Variants in EHMT1 observed in about 807,000 individuals in gnomAD.
The protein encoded by EHMT1 is histone-lysine N-methyltransferase EHMT1.
A neutral mutation model predicts 147.2 loss-of-function variants in EHMT1; 15 were observed. The ratio of observed to expected loss-of-function variants is 0.10; its 90% CI spans 0.07 to 0.16. The LOEUF (loss-of-function observed/expected upper bound fraction) is 0.16, where lower values mean the gene tolerates loss of function less well. Among genes scored for constraint, EHMT1 ranks in the 10% least tolerant of loss-of-function variants. EHMT1 has a pLI of 1.00. For missense variants in EHMT1, 1,587 were observed against 1,772.4 expected, an observed-to-expected ratio of 0.90 and a Z score of 1.88; for synonymous variants, 795 against 709.6, an observed-to-expected ratio of 1.12 and a Z score of -1.91.
chr9:137,798,724 A>G, intron 16 of EHMT1, 89 bp from the exon 17 acceptor site: 1 of 1,044,176 alleles, frequency 9.6e-7, no homozygotes, highest in Non-Finnish European at 1.5e-6. Flanking sequence ...CGCATGGTAG[A>G]CACCGGGTTC....
At chr9:137,654,329 A>G (rs1227163575) in intron 1 of EHMT1, among the ~76,000 whole-genome samples, 3 of 150,490 alleles carry the variant, frequency 2.0e-5, no homozygotes, top group Non-Finnish European at 3.0e-5. Flanking sequence ...ACACCACTGC[A>G]CTCCAGCCTG....
chr9:137,739,355 C>CAAA (rs58376791), intron 4 of EHMT1, among the ~76,000 whole-genome samples: 1 of 94,488 alleles, frequency 1.1e-5, no homozygotes, highest in African/African-American at 3.2e-5. Flanking sequence ...GACTCAGTCT[C>CAAA]AAAAAAAAAA....
chr9:137,751,451 C>T (rs776739595), intron 6 of EHMT1, among the ~76,000 whole-genome samples: 3 of 152,138 alleles, frequency 2.0e-5, no homozygotes, highest in Non-Finnish European at 2.9e-5. Flanking sequence ...CCATCGAGCC[C>T]GCAGAGTACA....
chr9:137,723,399 C>T (rs1224359926), intron 3 of EHMT1, among the ~76,000 whole-genome samples: 18 of 140,442 alleles, frequency 1.3e-4, no homozygotes, highest in African/African-American at 3.9e-4. Flanking sequence ...GGCCTGAGCC[C>T]GGGGTGTGCC....
intron 18 of EHMT1, among the ~76,000 whole-genome samples, chr9:137,808,676 T>TGGGGGGGGGGGGGG (rs147011444): frequency 3.4e-5 from 2 of 58,398 alleles, no homozygotes; most frequent in African/African-American, 7.2e-5. Flanking sequence ...GGGCGGGGGG[T>TGGGGGGGGGGGGGG]GGGGGGGGCG....
Position 137,776,703 on chromosome 9 carries a change from A to G in EHMT1, c.1877A>G (p.Tyr626Cys), listed in dbSNP as rs762449462. Residue 626 changes from tyrosine to cysteine, a missense_variant, in exon 12 of 27, where the codon TAT becomes TGT. Physicochemically the swap from Tyr to Cys is radical, Grantham distance 194. Around this residue, in one of 7 missense-constraint regions of EHMT1, gnomAD observed 124 missense variants for 197.8 expected, o/e 0.63. Coordinates refer to ENST00000460843, the MANE Select transcript of EHMT1 (RefSeq NM_024757.5). The surrounding 1 kb of genome is among the most constrained non-coding windows in gnomAD (Gnocchi z 4.4). ...DCASRVNNAS[Y>C]CPHCGEESSK... The stretch of plus-strand genomic sequence containing the variant: ...GCCTCTCGAGTCAATAACGCCAGCT[A>G]TTGTCCCCACTGTGGGGAGGAGAGC... 16 of 1,613,848 alleles carry G rather than the reference A, an allele frequency of 9.9e-6. No homozygotes were observed. The highest frequency in any genetic ancestry group is 1.3e-5 in the African/African-American group (1 of 74,844).
chr9:137,754,429 CT>C, intron 8 of EHMT1, 138 bp downstream of exon 8: 1 of 1,286,844 alleles, frequency 7.8e-7, no homozygotes, highest in Non-Finnish European at 1.1e-6. Flanking sequence ...TTTGAAATGA[CT>C]TTGTTAGAGA....
intron 1 of EHMT1, among the ~76,000 whole-genome samples, chr9:137,644,561 C>T (rs1432060672): frequency 3.3e-5 from 5 of 152,072 alleles, no homozygotes; most frequent in African/African-American, 4.8e-5. Flanking sequence ...CTCCTGACCT[C>T]GTGATCCACC....
intron 14 of EHMT1, among the ~76,000 whole-genome samples, chr9:137,781,741 G>A (rs1461425111): frequency 6.6e-6 from 1 of 152,188 alleles, no homozygotes; most frequent in Non-Finnish European, 1.5e-5. Context: ...TTACTGGACA[G>A]TACGTCAAGT....
intron 18 of EHMT1, among the ~76,000 whole-genome samples, chr9:137,806,379 C>T (rs766498305): frequency 5.3e-5 from 8 of 152,086 alleles, no homozygotes; most frequent in Non-Finnish European, 7.4e-5. Flanking sequence ...GCTTCCCTTC[C>T]GCTGGCCTCA....
At chr9:137,816,839 G>C (rs977873497) in intron 23 of EHMT1, 5 of 176,146 alleles carry the variant, frequency 2.8e-5, no homozygotes, top group Non-Finnish European at 3.7e-5. Flanking sequence ...ACGCGAGGCA[G>C]ACACGGGACA....
intron 1 of EHMT1, among the ~76,000 whole-genome samples, chr9:137,620,411 ATTAT>A (rs2072764237): frequency 6.6e-6 from 1 of 151,806 alleles, no homozygotes; most frequent in Non-Finnish European, 1.5e-5. Context: ...TTTTTAAATT[ATTAT>A]TTATTATTAT....
intron 16 of EHMT1, among the ~76,000 whole-genome samples, chr9:137,791,440 T>C (rs1952517708): frequency 6.6e-6 from 1 of 151,992 alleles, no homozygotes; most frequent in Non-Finnish European, 1.5e-5. Context: ...CACAAAAAAA[T>C]CAGTTGCATT....
chr9:137,620,942 A>G (rs1445119453), intron 1 of EHMT1, among the ~76,000 whole-genome samples: 1 of 152,184 alleles, frequency 6.6e-6, no homozygotes, highest in Non-Finnish European at 1.5e-5. Context: ...CCTTGCATGA[A>G]TTCAATAATT....
At chr9:137,709,117 C>T (rs750774682) in intron 1 of EHMT1, among the ~76,000 whole-genome samples, 28 of 152,216 alleles carry the variant, frequency 1.8e-4, no homozygotes, top group Non-Finnish European at 3.5e-4. Context: ...GCTTGGGCAC[C>T]GTCTGTGCAA....
chr9:137,762,930 G>T, intron 10 of EHMT1, 110 bp downstream of exon 10: 1 of 1,457,980 alleles, frequency 6.9e-7, no homozygotes, highest in Non-Finnish European at 9.4e-7. Flanking sequence ...TGACCAGGGC[G>T]GGAGCCTGAG....
chr9:137,803,409 C>A, intron 18 of EHMT1: 1 of 606,668 alleles, frequency 1.6e-6, no homozygotes, highest in African/African-American at 2.0e-5. Flanking sequence ...CATTGCTGGG[C>A]TTTCTGTTGT....
At chr9:137,662,896 C>T (rs563763296) in intron 1 of EHMT1, among the ~76,000 whole-genome samples, 9 of 152,002 alleles carry the variant, frequency 5.9e-5, no homozygotes, top group Non-Finnish European at 1.0e-4. Flanking sequence ...TGGGTTCCAG[C>T]GATTCTCCTG....
At chr9:137,800,730 C>A in intron 17 of EHMT1, 150 bp from the exon 18 acceptor site, 1 of 671,596 alleles carries the variant, frequency 1.5e-6, no homozygotes, top group Non-Finnish European at 2.7e-6. Flanking sequence ...AGAACTGTGG[C>A]CTCTGAAGGT....
Sources: allele counts gnomAD v4.1 joint callset (sites outside exome capture counted in the v4.1 genomes callset), GRCh38; gene constraint gnomAD v4.1.1; regional missense constraint gnomAD v4.1.1; non-coding constraint Gnocchi (gnomAD v3.1); transcripts MANE v1.5; gene names NCBI Gene and HGNC (gene_info 2026-07-23, HGNC 2026-07-21).